Variants in KIF2A observed in about 807,000 individuals in gnomAD.
The protein encoded by KIF2A is kinesin family member 2A.
In KIF2A, 22 loss-of-function variants were observed where a neutral mutation model predicts 100.2. The observed-to-expected ratio is 0.22, with a 90% CI of 0.16 to 0.31. The LOEUF is 0.31. KIF2A is among the 10% of genes least tolerant of loss of function. KIF2A has a pLI of 1.00. For synonymous variants in KIF2A, 268 were observed against 285.9 expected (o/e 0.94, Z 0.63); for missense variants, 495 against 898.7 (o/e 0.55, Z 5.74).
chr5:62,367,734 T>C (rs1304409116), intron 16 of KIF2A, among the ~76,000 whole-genome samples: 6 of 152,218 alleles, frequency 3.9e-5, no homozygotes, highest in Non-Finnish European at 4.4e-5. Flanking sequence ...CTTTGAATTA[T>C]AATGGGCATA....
chr5:62,347,134 A>G lies in KIF2A; in HGVS notation c.69A>G (p.Arg23=), dbSNP rs1747611652. The change falls in exon 2 of 21, where the codon CGA becomes CGG. Residue 23 remains arginine, a synonymous_variant. Coordinates refer to ENST00000407818, the MANE Select transcript of KIF2A (RefSeq NM_001098511.3). ...IYVEIKRSDG[R]IHQAMVTSLN... is the part of the protein sequence containing the mutation. ...GTATACTTTATTCCCACATAGGCCG[A>G]ATACATCAAGCAATGGTAACATCTT... 1 of 1,592,152 alleles carries G rather than the reference A, an allele frequency of 6.3e-7. No homozygotes were observed.
intron 1 of KIF2A, among the ~76,000 whole-genome samples, chr5:62,307,883 G>A (rs1172694382): frequency 6.6e-6 from 1 of 152,158 alleles, no homozygotes; most frequent in African/African-American, 2.4e-5. Flanking sequence ...CTCCCAATGT[G>A]CTGGGATTAC....
chr5:62,309,194 T>C (rs552329976), intron 1 of KIF2A, among the ~76,000 whole-genome samples: 3 of 152,346 alleles, frequency 2.0e-5, no homozygotes, highest in African/African-American at 7.2e-5. Flanking sequence ...TTCGTTCTTT[T>C]CAGCCTTCAC....
chr5:62,345,519 C>T (rs941059691), intron 1 of KIF2A, among the ~76,000 whole-genome samples: 11 of 150,896 alleles, frequency 7.3e-5, no homozygotes, highest in African/African-American at 2.2e-4. Context: ...GAAGGTAGGT[C>T]GGGCACAGTG....
chr5:62,372,785 A>G (rs1044928639), intron 17 of KIF2A, among the ~76,000 whole-genome samples: 1 of 152,164 alleles, frequency 6.6e-6, no homozygotes, highest in Non-Finnish European at 1.5e-5. Context: ...CATATTTTTA[A>G]GGATGATGTC....
chr5:62,378,718 G>T (rs1272558626), intron 19 of KIF2A, among the ~76,000 whole-genome samples: 1 of 152,070 alleles, frequency 6.6e-6, no homozygotes, highest in Non-Finnish European at 1.5e-5. Context: ...AGGAATTCAA[G>T]ACTAGCCTGG....
intron 1 of KIF2A, among the ~76,000 whole-genome samples, chr5:62,337,103 C>T (rs1746996170): frequency 6.6e-6 from 1 of 152,196 alleles, no homozygotes; most frequent in African/African-American, 2.4e-5. Context: ...TAACAAGTGC[C>T]TACCAAATAC....
intron 1 of KIF2A, chr5:62,311,759 A>G (rs560793020): frequency 6.6e-6 from 1 of 152,344 alleles, no homozygotes; most frequent in East Asian, 1.9e-4. Context: ...GTGACCTAAT[A>G]GTTCCCTTTT....
chr5:62,353,153 T>G, intron 5 of KIF2A, 122 bp from the exon 6 acceptor site: 1 of 532,146 alleles, frequency 1.9e-6, no homozygotes, highest in Non-Finnish European at 3.3e-6. Flanking sequence ...GTAGTTGTTA[T>G]AGGCATGCTT....
At chr5:62,322,112 G>C (rs1299663588) in intron 1 of KIF2A, among the ~76,000 whole-genome samples, 1 of 151,258 alleles carries the variant, frequency 6.6e-6, no homozygotes, top group Non-Finnish European at 1.5e-5. Flanking sequence ...ATTGGGGTAG[G>C]GGAGAGACAA....
intron 7 of KIF2A, among the ~76,000 whole-genome samples, chr5:62,357,188 A>G (rs1010672461): frequency 7.9e-5 from 12 of 151,238 alleles, no homozygotes; most frequent in African/African-American, 2.9e-4. Flanking sequence ...GGTTCAAGTG[A>G]TTCTCCCACA....
At chr5:62,358,071 T>A in intron 8 of KIF2A, 66 bp from the exon 9 acceptor site, 1 of 1,225,906 alleles carries the variant, frequency 8.2e-7, no homozygotes, top group East Asian at 2.6e-5. Context: ...CTACTTAAAA[T>A]AATTTTGTAC....
rs1050510051 is a variant in KIF2A, at chr5:62,369,732, A to AT, written c.1647-2698dup. ...TCCTCCTTTATACTAAATCTGCCTT[A>AT]TTTTTTTTAGGCCAATACTTTGAGG... On this transcript the variant is annotated intron_variant, in intron 16 of 20. Transcript: ENST00000407818. 2.1e-4 allele frequency among the ~76,000 whole-genome samples: 32 copies of AT among 150,706 alleles called. 1 individual carries two copies. Among genetic ancestry groups the AT allele is most frequent in the Middle Eastern group, 3.4e-3 (1 of 294 alleles).
At chr5:62,329,271 G>C (rs1030170852) in intron 1 of KIF2A, among the ~76,000 whole-genome samples, 3 of 152,176 alleles carry the variant, frequency 2.0e-5, no homozygotes, top group Non-Finnish European at 4.4e-5. Context: ...ATTCCCCAGA[G>C]ATTTACTAAA....
intron 1 of KIF2A, among the ~76,000 whole-genome samples, chr5:62,326,189 A>G (rs2111828140): frequency 6.6e-6 from 1 of 152,340 alleles, no homozygotes; most frequent in African/African-American, 2.4e-5. Context: ...CTTTTTAGGT[A>G]CTATCCCATG....
chr5:62,363,958 C>G, intron 14 of KIF2A, 59 bp downstream of exon 14: 3 of 1,354,734 alleles, frequency 2.2e-6, no homozygotes, highest in Non-Finnish European at 3.0e-6. Flanking sequence ...ATTTTCTTTA[C>G]TCAGTTGCAA....
chr5:62,322,934 T>TAAA (rs200112197), intron 1 of KIF2A, among the ~76,000 whole-genome samples: 7,899 of 97,986 alleles, frequency 0.081, 391 homozygotes, highest in East Asian at 0.16. Flanking sequence ...TTCAATTTAG[T>TAAA]AAAAAAAAAA....
rs557818535 is a variant in KIF2A at position 62,347,030 on chromosome 5, A to AT, written c.65-90dup. 4.0e-3 allele frequency: 2,421 copies of AT among 608,068 alleles called. 1 individual carries two copies. The highest frequency in any genetic ancestry group is 5.0e-3 in the South Asian group (231 of 46,128). The allele number at this position is 608,068 out of a possible 1,614,324, so 37.7% of individuals were successfully genotyped here. On this transcript the variant is annotated intron_variant, in intron 1 of 20. Coordinates refer to ENST00000407818, the MANE Select transcript of KIF2A (RefSeq NM_001098511.3). ...ATCTCTTGTAAGGAAAAGTAGTGTC[A>AT]TTTTTTTTTTAATTTCCAAGTTATA...
intron 20 of KIF2A, 39 bp from the exon 21 acceptor site, chr5:62,385,445 A>G: frequency 7.1e-7 from 1 of 1,402,304 alleles, no homozygotes; most frequent in African/African-American, 1.4e-5. Flanking sequence ...TACTGCGTGT[A>G]ATACAATACT....
Sources: gnomAD v4.1 joint callset for allele counts (sites outside exome capture counted in the v4.1 genomes callset) on GRCh38, gnomAD v4.1.1 for gene constraint, MANE v1.5 for transcripts, NCBI Gene and HGNC (gene_info 2026-07-23, HGNC 2026-07-21) for gene names.